Variants in UBE3C observed in about 807,000 individuals in gnomAD.
The protein encoded by UBE3C is ubiquitin protein ligase E3C, also known as ubiquitin-protein ligase E3C.
A neutral mutation model predicts 129.4 loss-of-function variants in UBE3C; 42 were observed. The observed-to-expected ratio is 0.32, with a 90% CI of 0.25 to 0.42. The LOEUF (loss-of-function observed/expected upper bound fraction) is 0.42. Among genes scored for constraint, UBE3C ranks in the 10% least tolerant of loss-of-function variants. The probability of loss-of-function intolerance (pLI) is 1.00; values close to 1 mark genes in which losing one functional copy is unlikely to be tolerated. For missense variants in UBE3C, 1,049 were observed against 1,319.1 expected (o/e 0.80, Z 3.17); for synonymous variants, 510 against 492.4 (o/e 1.04, Z -0.47).
At chr7:157,157,251 G>A (rs1457423691) in intron 1 of UBE3C, among the ~76,000 whole-genome samples, 1 of 152,170 alleles carries the variant, frequency 6.6e-6, no homozygotes, top group Non-Finnish European at 1.5e-5. Context: ...ATAATCCTAA[G>A]CTGCAGCTAC....
At chr7:157,199,444 A>G (rs1026625579) in intron 10 of UBE3C, among the ~76,000 whole-genome samples, 1 of 151,826 alleles carries the variant, frequency 6.6e-6, no homozygotes, top group African/African-American at 2.4e-5. Flanking sequence ...AGTCTTTTTC[A>G]GAGTGAATTT....
chr7:157,261,306 G>GAAAA (rs57114090), intron 22 of UBE3C, among the ~76,000 whole-genome samples: 7 of 78,028 alleles, frequency 9.0e-5, no homozygotes, highest in Admixed American at 1.7e-4. Flanking sequence ...AACTCTGTCT[G>GAAAA]AAAAAAAAAA....
intron 22 of UBE3C, among the ~76,000 whole-genome samples, chr7:157,259,502 A>G (rs1796841865): frequency 6.6e-6 from 1 of 152,264 alleles, no homozygotes; most frequent in African/African-American, 2.4e-5. Flanking sequence ...AATTCACAGT[A>G]CATGAACTGC....
chr7:157,164,977 C>G (rs554487950), intron 2 of UBE3C, among the ~76,000 whole-genome samples: 1 of 152,238 alleles, frequency 6.6e-6, no homozygotes, highest in South Asian at 2.1e-4. Flanking sequence ...ACAGATAATT[C>G]TTTGTTGGGG....
intron 18 of UBE3C, among the ~76,000 whole-genome samples, chr7:157,235,967 T>G (rs60860214): frequency 0.021 from 3,239 of 152,358 alleles, 107 homozygotes; most frequent in African/African-American, 0.074. Flanking sequence ...GTATATTGAT[T>G]GATTGTGATA....
chr7:157,149,026 T>G (rs1036699474), intron 1 of UBE3C, among the ~76,000 whole-genome samples: 1 of 152,128 alleles, frequency 6.6e-6, no homozygotes, highest in Middle Eastern at 3.2e-3. Context: ...AGCAAAAGAC[T>G]GTAGTTCCCT....
chr7:157,260,022 G>A (rs1796855860), intron 22 of UBE3C, among the ~76,000 whole-genome samples: 1 of 152,162 alleles, frequency 6.6e-6, no homozygotes, highest in South Asian at 2.1e-4. Context: ...TGTTCTGGAA[G>A]TAATGAATAA....
intron 10 of UBE3C, chr7:157,188,902 C>A (rs1359228195): frequency 4.8e-6 from 3 of 622,680 alleles, no homozygotes; most frequent in Non-Finnish European, 8.9e-6. Context: ...CTTTTATTTT[C>A]AGAGTTAGGA....
intron 10 of UBE3C, chr7:157,198,588 G>A: frequency 3.7e-6 from 1 of 271,796 alleles, no homozygotes; most frequent in Non-Finnish European, 7.1e-6. Flanking sequence ...AGGCTGAAGT[G>A]CAGTGGCGCC....
At chr7:157,179,096 A>G (rs1019656877) in intron 6 of UBE3C, among the ~76,000 whole-genome samples, 4 of 150,694 alleles carry the variant, frequency 2.7e-5, no homozygotes, top group Non-Finnish European at 5.9e-5. Flanking sequence ...TTGGAAGTGA[A>G]CCAAAATTGA....
intron 9 of UBE3C, 48 bp from the exon 10 acceptor site, chr7:157,186,786 T>C (rs766805227): frequency 2.4e-5 from 38 of 1,601,408 alleles, no homozygotes; most frequent in Middle Eastern, 1.7e-4. Context: ...GTAGAGGACG[T>C]TCCAGTTGAG....
intron 1 of UBE3C, among the ~76,000 whole-genome samples, chr7:157,158,024 A>G (rs1423444447): frequency 1.3e-5 from 2 of 148,868 alleles, no homozygotes; most frequent in African/African-American, 4.9e-5. Flanking sequence ...AAACATGGTG[A>G]GACCCAATCT....
At chr7:157,144,974 C>T (rs1473258210) in intron 1 of UBE3C, among the ~76,000 whole-genome samples, 1 of 152,166 alleles carries the variant, frequency 6.6e-6, no homozygotes, top group African/African-American at 2.4e-5. Context: ...AGAAGAGTGT[C>T]ATTGCCCTAG....
At chr7:157,179,041 C>G (rs948105852) in intron 6 of UBE3C, among the ~76,000 whole-genome samples, 194 bp downstream of exon 6, 5 of 151,948 alleles carry the variant, frequency 3.3e-5, no homozygotes, top group African/African-American at 1.2e-4. Flanking sequence ...TCCACCCACT[C>G]TGAAAATTCA....
At chr7:157,185,424 A>G (rs1808779058) in intron 9 of UBE3C, among the ~76,000 whole-genome samples, 1 of 152,158 alleles carries the variant, frequency 6.6e-6, no homozygotes, top group Non-Finnish European at 1.5e-5. Context: ...ATTTAACTTT[A>G]TACTTTAATT....
rs1807359504 is a variant in UBE3C, at chr7:157,139,391, C to T, written c.66+53C>T. The T allele has an allele frequency of 2.0e-5, 21 of 1,061,162 alleles. No homozygotes were observed. In the East Asian group the frequency reaches 5.5e-4, roughly 28 times the overall value. The allele number at this position is 1,061,162 out of a possible 1,614,324, so 65.7% of individuals were successfully genotyped here. A position where few individuals can be genotyped will look rare whatever the true frequency, so the allele number is the denominator to read the frequency against. ...CGGCTCGGGGCCTGCGCGGCCGGGG[C>T]TCGGGGCTGGGACTCGGGGCTGGAC... On this transcript the variant is annotated intron_variant, in intron 1 of 22. Coordinates refer to ENST00000348165, the MANE Select transcript of UBE3C (RefSeq NM_014671.3).
intron 18 of UBE3C, among the ~76,000 whole-genome samples, chr7:157,234,441 G>A (rs1182440): frequency 0.95 from 145,359 of 152,348 alleles, 69,399 homozygotes; most frequent in East Asian, 0.99. Context: ...CCCTTATGCA[G>A]TATGGTCTTG....
chr7:157,185,798 T>C (rs1808789143), intron 9 of UBE3C, among the ~76,000 whole-genome samples: 1 of 152,198 alleles, frequency 6.6e-6, no homozygotes, highest in Non-Finnish European at 1.5e-5. Flanking sequence ...TGATGTACTT[T>C]TGTTAGTCTT....
rs191102754 is a variant in UBE3C, at chr7:157,258,520, C to T, written c.3081+1476C>T. 5.3e-5 allele frequency among the ~76,000 whole-genome samples: 8 copies of T among 152,242 alleles called. No individual in the cohort carries two copies. In the East Asian group the frequency reaches 9.6e-4, roughly 18 times the overall value. On this transcript the variant is annotated intron_variant, in intron 22 of 22. Coordinates refer to ENST00000348165, the MANE Select transcript of UBE3C (RefSeq NM_014671.3). ...CAGGCTGGAGTGCAGAGGGCAATGGCGTGATTTCCGCTCACTGCAACCTCT... is the reference window on the plus strand; with the variant it reads ...CAGGCTGGAGTGCAGAGGGCAATGGTGTGATTTCCGCTCACTGCAACCTCT...
Sources: allele counts gnomAD v4.1 joint callset (sites outside exome capture counted in the v4.1 genomes callset), GRCh38; gene constraint gnomAD v4.1.1; transcripts MANE v1.5; gene names NCBI Gene and HGNC (gene_info 2026-07-23, HGNC 2026-07-21).